Variants in NIBAN2 observed in about 807,000 individuals in gnomAD.
The protein encoded by NIBAN2 is protein Niban 2.
Under a neutral mutation model 81.8 loss-of-function variants are expected in NIBAN2, and 36 were observed. The ratio of observed to expected loss-of-function variants is 0.44; its 90% confidence interval spans 0.34 to 0.58. The LOEUF (loss-of-function observed/expected upper bound fraction) is 0.58. Among genes scored for constraint, NIBAN2 ranks in the 20% least tolerant of loss-of-function variants. NIBAN2 has a pLI of 0.02. For missense variants in NIBAN2, 897 were observed against 1,014.1 expected (o/e 0.88, Z 1.57); for synonymous variants, 445 against 441.6 (o/e 1.01, Z -0.10).
intron 1 of NIBAN2, among the ~76,000 whole-genome samples, chr9:127,533,112 C>A (rs141734832): frequency 6.6e-6 from 1 of 151,514 alleles, no homozygotes; most frequent in East Asian, 2.0e-4. Flanking sequence ...GAACCAAGAT[C>A]GTACCACTAC....
chr9:127,543,530 C>T (rs1837419471), intron 1 of NIBAN2, among the ~76,000 whole-genome samples: 1 of 152,088 alleles, frequency 6.6e-6, no homozygotes, highest in Non-Finnish European at 1.5e-5. Context: ...TCTGATGGCC[C>T]CAAGAGACTA....
At chr9:127,534,270 C>T (rs1356113541) in intron 1 of NIBAN2, among the ~76,000 whole-genome samples, 1 of 152,250 alleles carries the variant, frequency 6.6e-6, no homozygotes. Context: ...CTGGCAGGAA[C>T]CTGCCCCTCC....
chr9:127,531,587 C>A (rs997936724), intron 2 of NIBAN2, 61 bp downstream of exon 2: 4 of 1,551,650 alleles, frequency 2.6e-6, no homozygotes, highest in Non-Finnish European at 1.8e-6. Context: ...TAAGGTCACT[C>A]CCCCGAGGCC....
In NIBAN2 at chr9:127,527,302, G is replaced by C; in HGVS notation, c.207C>G (p.Ile69Met). Residue 69 changes from isoleucine (I) to methionine (M), a missense_variant, in exon 3 of 14, where the codon ATC (isoleucine) becomes ATG (methionine). Ile to Met is a conservative substitution (Grantham distance 10). This residue lies in a region of NIBAN2 where 209 missense variants were observed against 208.4 expected (regional missense o/e 1.00). Transcript: ENST00000373312. ...GCTGGAAGAGGTTCCCCGAGAAGAC[G>C]ATGCGCTCGTCCAGTGGCACCTGTG... Reference protein sequence around the residue: ...LWRKVPLDERIVFSGNLFQHQ... With the variant: ...LWRKVPLDERMVFSGNLFQHQ... 1.2e-6 allele frequency: 2 copies of C among 1,613,602 alleles called. No individual in the cohort carries two copies. The highest frequency in any genetic ancestry group is 1.7e-5 in the Admixed American group (1 of 60,024).
intron 1 of NIBAN2, among the ~76,000 whole-genome samples, chr9:127,549,449 G>A (rs10987680): frequency 0.076 from 11,467 of 151,838 alleles, 891 homozygotes; most frequent in East Asian, 0.4. Flanking sequence ...GCACACACAC[G>A]CACATTCACA....
intron 1 of NIBAN2, among the ~76,000 whole-genome samples, chr9:127,565,980 A>ACACACACACAC (rs1564321578): frequency 1.3e-5 from 2 of 148,918 alleles, no homozygotes; most frequent in African/African-American, 2.5e-5. Flanking sequence ...ACACACACAC[A>ACACACACACAC]AATTAGCACG....
Position 127,578,594 on chromosome 9 carries a change from G to A in NIBAN2, c.16+328C>T, listed in dbSNP as rs547924334. Among the ~76,000 whole-genome samples the A allele has an allele frequency of 2.4e-4, 37 of 151,924 alleles. No homozygotes were observed. The South Asian group carries it at 5.8e-3, about 24-fold the overall frequency. Reference sequence around the variant, plus strand: ...GGAGAATCGCTTGAATCTGGGAGGCGGAGGTTGCAGTGAGAGTGAGGCGAG... The same window carrying A: ...GGAGAATCGCTTGAATCTGGGAGGCAGAGGTTGCAGTGAGAGTGAGGCGAG... On this transcript the variant is annotated intron_variant, in intron 1 of 13. Transcript: ENST00000373314.
intron 1 of NIBAN2, among the ~76,000 whole-genome samples, chr9:127,561,490 T>A (rs1837773542): frequency 6.6e-6 from 1 of 152,158 alleles, no homozygotes; most frequent in African/African-American, 2.4e-5. Flanking sequence ...ATGCCAGAAC[T>A]CTCATCCTCA....
chr9:127,507,870 G>T lies in NIBAN2; in HGVS notation c.1651C>A (p.Gln551Lys). ...CCCACCCCGGGACGGCACCCACCCT[G>T]CAGGATGTCCTTCATGACGGTCTGC... ...VLQTVMKDIL[Q>K]AVKEAAVQRK... Residue 551 changes from glutamine to lysine, a missense_variant, in exon 13 of 14, where the codon CAG (glutamine) becomes AAG (lysine). Coordinates refer to ENST00000373312, the MANE Select transcript of NIBAN2 (RefSeq NM_022833.4). The surrounding 1 kb of genome is among the most constrained non-coding windows in gnomAD (Gnocchi z 6.8). 1.2e-6 allele frequency: 2 copies of T among 1,613,862 alleles called. No homozygotes were observed. Among genetic ancestry groups the T allele is most frequent in the Non-Finnish European group, 1.7e-6 (2 of 1,179,830 alleles).
chr9:127,531,867 C>G, intron 1 of NIBAN2, 89 bp from the exon 2 acceptor site: 2 of 1,547,670 alleles, frequency 1.3e-6, no homozygotes, highest in Non-Finnish European at 1.8e-6. Flanking sequence ...GCTGCAAAGC[C>G]CCAAATTCCT....
chr9:127,527,111 G>A (rs1837083347), intron 3 of NIBAN2, 83 bp downstream of exon 3: 1 of 1,555,342 alleles, frequency 6.4e-7, no homozygotes, highest in Admixed American at 1.7e-5. Flanking sequence ...GTGGCGTCTG[G>A]GGCCTAAGTT....
rs1179119334 is a variant in NIBAN2, at chr9:127,510,306, C to T, written c.1001G>A (p.Cys334Tyr). 1 of 1,613,070 alleles carries T rather than the reference C, an allele frequency of 6.2e-7. No individual in the cohort carries two copies. The highest frequency in any genetic ancestry group is 8.5e-7 in the Non-Finnish European group (1 of 1,179,218). The change falls in exon 9 of 14, where the codon TGC (cysteine) becomes TAC (tyrosine). Residue 334 changes from cysteine to tyrosine, a missense_variant. Around this residue, in one of 3 missense-constraint regions of NIBAN2, gnomAD observed 619 missense variants for 691.0 expected, o/e 0.90. Transcript: ENST00000373312. ...GTAGGGCTGGACATGGTTCCGCACG[C>T]ACACCTCTGCCTTGGGGAGGATGAA... ...RAFILPKAEV[C>Y]VRNHVQPYIP...
chr9:127,510,034 C>A, intron 9 of NIBAN2, 112 bp downstream of exon 9: 6 of 1,032,998 alleles, frequency 5.8e-6, no homozygotes, highest in Non-Finnish European at 8.4e-6. Flanking sequence ...TCCCCGTCTA[C>A]AGGGACGGCC....
chr9:127,516,706 G>A (rs1300533204), intron 8 of NIBAN2, 151 bp downstream of exon 8: 3 of 800,994 alleles, frequency 3.7e-6, no homozygotes, highest in Non-Finnish European at 5.9e-6. Flanking sequence ...CAACTCACAG[G>A]GGTTGGAGTA....
chr9:127,544,102 G>C (rs1278860255), intron 1 of NIBAN2, among the ~76,000 whole-genome samples: 1 of 152,200 alleles, frequency 6.6e-6, no homozygotes, highest in Admixed American at 6.5e-5. Context: ...CTGGAAGAGA[G>C]AAGAGCTAGA....
rs560827660 is a variant in NIBAN2 at position 127,545,885 on chromosome 9, C to T, written c.56-14107G>A. 1.7e-3 allele frequency among the ~76,000 whole-genome samples: 264 copies of T among 152,290 alleles called. No individual in the cohort carries two copies. The highest frequency in any genetic ancestry group is 6.8e-3 in the Middle Eastern group (2 of 294). ...TCTCATCCCCTCCTGCCCCCCACCC[C>T]GCCTGCCTGGCAGCGGCCCCAGCCC... is the stretch of plus-strand genomic sequence containing the variant. On this transcript the variant is annotated intron_variant, in intron 1 of 13. Coordinates refer to ENST00000373312, the MANE Select transcript of NIBAN2 (RefSeq NM_022833.4). The surrounding 1 kb of genome is among the most constrained non-coding windows in gnomAD (Gnocchi z 4.7).
At chr9:127,533,930 G>A (rs1837228019) in intron 1 of NIBAN2, among the ~76,000 whole-genome samples, 1 of 152,248 alleles carries the variant, frequency 6.6e-6, no homozygotes, top group Non-Finnish European at 1.5e-5. Flanking sequence ...CTTCTGCGCG[G>A]TTTCTGAATA....
At position 127,567,658 on chromosome 9, in the gene NIBAN2, G is replaced by A. The variant is rs574932550; in HGVS notation, c.55+1162C>T. On this transcript the variant is annotated intron_variant, in intron 1 of 13. Coordinates refer to ENST00000373312, the MANE Select transcript of NIBAN2 (RefSeq NM_022833.4). ...CTCTCAAGGGAGCGTGGAGAACACGGTGGTGAAATTCTACAGGACACAAAA... is the reference window on the plus strand; with the variant it reads ...CTCTCAAGGGAGCGTGGAGAACACGATGGTGAAATTCTACAGGACACAAAA... Among the ~76,000 whole-genome samples, 3 of 152,314 alleles carry A rather than the reference G, an allele frequency of 2.0e-5. No homozygotes were observed. In the South Asian group the frequency reaches 6.2e-4, roughly 32 times the overall value.
intron 1 of NIBAN2, among the ~76,000 whole-genome samples, chr9:127,538,944 CAAAAAA>C (rs59404269): frequency 8.7e-6 from 1 of 114,532 alleles, no homozygotes. Flanking sequence ...GACTCCATCT[CAAAAAA>C]AAAAAAAAAA....
Sources: gnomAD v4.1 joint callset for allele counts (sites outside exome capture counted in the v4.1 genomes callset) on GRCh38, gnomAD v4.1.1 for gene constraint, gnomAD v4.1.1 regional missense constraint, Gnocchi (gnomAD v3.1) non-coding constraint, MANE v1.5 for transcripts, NCBI Gene and HGNC (gene_info 2026-07-23, HGNC 2026-07-21) for gene names.